Variants in PRSS36 observed in about 807,000 individuals in gnomAD.
PRSS36 encodes the protein serine protease 36, also known as polyserase-2.
Under a neutral mutation model 94.3 loss-of-function variants are expected in PRSS36, and 90 were observed. The observed-to-expected ratio is 0.95, with a 90% CI of 0.80 to 1.14. The LOEUF (loss-of-function observed/expected upper bound fraction) is 1.14. Ranked by LOEUF, PRSS36 falls within the 50% of genes most tolerant of loss-of-function variation. PRSS36 has a pLI of 0.00. For missense variants in PRSS36, 1,158 were observed against 1,135.0 expected, an observed-to-expected ratio of 1.02 and a Z score of -0.29; for synonymous variants, 500 against 489.6, an observed-to-expected ratio of 1.02 and a Z score of -0.28.
At chr16:31,148,174 G>A (rs1249745569) in intron 5 of PRSS36, among the ~76,000 whole-genome samples, 2 of 152,180 alleles carry the variant, frequency 1.3e-5, no homozygotes, top group Non-Finnish European at 2.9e-5. Flanking sequence ...GGAATGGGGT[G>A]CGTGTGGGTG....
chr16:31,147,018 A>T (rs1045072399), intron 5 of PRSS36, among the ~76,000 whole-genome samples: 2 of 152,014 alleles, frequency 1.3e-5, no homozygotes, highest in Non-Finnish European at 2.9e-5. Context: ...AAAAGAAAAG[A>T]ATTTGAGGTC....
rs1366050696 is a variant in PRSS36, at chr16:31,145,931, A to G, written c.578T>C (p.Leu193Pro). Residue 193 changes from leucine to proline, a missense_variant, in exon 6 of 15, where the codon CTA becomes CCA. Transcript: ENST00000268281. ...CAGCAGCCTTAGCTCCACTTCCTGT[A>G]GCACCCAGGGGAGAGGCAGAGGATC... The part of the protein sequence containing the change: ...EADPLPLPWV[L>P]QEVELRLLGE... 6.2e-6 allele frequency: 10 copies of G among 1,613,426 alleles called. No individual in the cohort carries two copies. Among genetic ancestry groups the G allele is most frequent in the Non-Finnish European group, 8.5e-6 (10 of 1,179,722 alleles).
At position 31,143,832 on chromosome 16, in the gene PRSS36, G is replaced by A. The variant is rs1318421982; in HGVS notation, c.726C>T (p.Asp242=). ...PEGRRDTCQG[D]SGGPLVCEEG... ...CCTCACAGACCAGGGGCCCCCCAGAGTCACCCTAGTGGCAGATGACTGCAT... is the reference window on the plus strand; with the variant it reads ...CCTCACAGACCAGGGGCCCCCCAGAATCACCCTAGTGGCAGATGACTGCAT... Residue 242 remains aspartate, a synonymous_variant, in exon 7 of 15, where the codon GAC becomes GAT. Transcript: ENST00000268281. The A allele has an allele frequency of 1.2e-6, 2 of 1,613,212 alleles. No homozygotes were observed. The highest frequency in any genetic ancestry group is 1.7e-6 in the Non-Finnish European group (2 of 1,180,022).
chr16:31,140,430 C>G lies in PRSS36; in HGVS notation c.2168-15G>C. ...AGCCACAGGGACTGGGGAGAGGAGACAAAGTTGTTCCAGGGCTCTGGCCTC... is the reference window on the plus strand; with the variant it reads ...AGCCACAGGGACTGGGGAGAGGAGAGAAAGTTGTTCCAGGGCTCTGGCCTC... On this transcript the variant is annotated splice_polypyrimidine_tract_variant and intron_variant, in intron 13 of 14. Coordinates refer to ENST00000268281, the MANE Select transcript of PRSS36 (RefSeq NM_173502.5). The G allele has an allele frequency of 6.2e-7, 1 of 1,611,642 alleles. No individual in the cohort carries two copies. Among genetic ancestry groups the G allele is most frequent in the Non-Finnish European group, 8.5e-7 (1 of 1,178,752 alleles).
chr16:31,140,820 C>A, intron 12 of PRSS36, 63 bp from the exon 13 acceptor site: 5 of 1,568,398 alleles, frequency 3.2e-6, no homozygotes, highest in South Asian at 1.2e-5. Context: ...TCCTTCCCAG[C>A]CCAGGGGAAG....
chr16:31,143,243 C>A, intron 8 of PRSS36, 99 bp downstream of exon 8: 3 of 1,499,138 alleles, frequency 2.0e-6, no homozygotes, highest in Admixed American at 2.3e-5. Flanking sequence ...GGGACCCCGC[C>A]CCCCCCACAC....
In PRSS36 at chr16:31,143,686, A is replaced by G. The variant is rs911514356; in HGVS notation, c.872T>C (p.Met291Thr). 4 of 1,613,994 alleles carry G rather than the reference A, an allele frequency of 2.5e-6. No homozygotes were observed. Among genetic ancestry groups the G allele is most frequent in the African/African-American group, 2.7e-5 (2 of 74,902 alleles). ...AAAGGCAGGCCCAGGCTCTGAACCCATCACCTGCTCCCGTATCCATGCCTC... is the reference window on the plus strand; with the variant it reads ...AAAGGCAGGCCCAGGCTCTGAACCCGTCACCTGCTCCCGTATCCATGCCTC... ...TYEAWIREQV[M>T]GSEPGPAFPT... The change falls in exon 7 of 15, where the codon ATG becomes ACG. Residue 291 changes from methionine to threonine, a missense_variant. Met to Thr is a moderately conservative substitution (Grantham distance 81). Coordinates refer to ENST00000268281, the MANE Select transcript of PRSS36 (RefSeq NM_173502.5).
chr16:31,139,165 G>A lies in PRSS36; in HGVS notation c.2541C>T (p.Leu847=). The A allele has an allele frequency of 6.3e-7, 1 of 1,582,352 alleles. No homozygotes were observed. The highest frequency in any genetic ancestry group is 8.6e-7 in the Non-Finnish European group (1 of 1,161,338). The part of the protein sequence containing the change: ...SGSPHAVYFL[L]LLTLLIQS Reference sequence around the variant, plus strand: ...AGCTCTGGATCAGGAGAGTCAGCAGGAGCAGGAAGTAGACTGCATGCGGGG... The same window carrying A: ...AGCTCTGGATCAGGAGAGTCAGCAGAAGCAGGAAGTAGACTGCATGCGGGG... Residue 847 remains leucine (L), a synonymous_variant, in exon 15 of 15, where the codon CTC becomes CTT. Transcript: ENST00000268281.
intron 12 of PRSS36, 87 bp from the exon 13 acceptor site, chr16:31,140,844 G>T: frequency 7.0e-7 from 1 of 1,431,068 alleles, no homozygotes; most frequent in African/African-American, 1.4e-5. Flanking sequence ...GACTCTCTGG[G>T]GTCATGCCAC....
At chr16:31,141,139 G>A (rs750104950) in intron 12 of PRSS36, among the ~76,000 whole-genome samples, 4 of 152,134 alleles carry the variant, frequency 2.6e-5, no homozygotes, top group African/African-American at 4.8e-5. Flanking sequence ...GGCCAGGCTC[G>A]TCTTGAACTC....
Position 31,141,484 on chromosome 16 carries a change from G to C in PRSS36, c.1886C>G (p.Thr629Ser). 6.2e-7 allele frequency: 1 copy of C among 1,612,112 alleles called. No homozygotes were observed. Among genetic ancestry groups the C allele is most frequent in the Non-Finnish European group, 8.5e-7 (1 of 1,179,572 alleles). Residue 629 changes from threonine (T) to serine (S), a missense_variant, in exon 12 of 15, where the codon ACT becomes AGT. By Grantham distance (58) the Thr-to-Ser change is moderately conservative (BLOSUM62 1). Coordinates refer to ENST00000268281, the MANE Select transcript of PRSS36 (RefSeq NM_173502.5). ...LLAPGWVLAA[T>S]HCVLRPGSTT... ...TGAGACCCACCTGAGGACACAGTGA[G>C]TGGCTGCCAGGACCCAGCCTGGGGC...
Position 31,148,540 on chromosome 16 carries a change from C to G in PRSS36, c.408G>C (p.Leu136=). 1 of 1,603,334 alleles carries G rather than the reference C, an allele frequency of 6.2e-7. No individual in the cohort carries two copies. The highest frequency in any genetic ancestry group is 8.5e-7 in the Non-Finnish European group (1 of 1,177,096). The change falls in exon 5 of 15, where the codon CTG becomes CTC. Residue 136 remains leucine, a synonymous_variant. Coordinates refer to ENST00000268281, the MANE Select transcript of PRSS36 (RefSeq NM_173502.5). ...VVPANYSQVE[L]GADLALLRLA... ...GGCGCAGCAGGGCCAGGTCGGCGCC[C>G]AGCTCCACTTGGCTGTAGTTGGCCG...
At chr16:31,139,447 T>A (rs1481070703) in intron 14 of PRSS36, 31 bp from the exon 15 acceptor site, 1 of 1,596,644 alleles carries the variant, frequency 6.3e-7, no homozygotes, top group East Asian at 2.2e-5. Flanking sequence ...CACGTGGGTC[T>A]GCTGCCCTTC....
At position 31,145,931 on chromosome 16, in the gene PRSS36, A is replaced by T. The variant is rs1366050696; in HGVS notation, c.578T>A (p.Leu193Gln). 1 of 1,613,544 alleles carries T rather than the reference A, an allele frequency of 6.2e-7. No homozygotes were observed. ...CAGCAGCCTTAGCTCCACTTCCTGTAGCACCCAGGGGAGAGGCAGAGGATC... is the reference window on the plus strand; with the variant it reads ...CAGCAGCCTTAGCTCCACTTCCTGTTGCACCCAGGGGAGAGGCAGAGGATC... ...EADPLPLPWVLQEVELRLLGE... is the reference protein window; with the variant it reads ...EADPLPLPWVQQEVELRLLGE... Residue 193 changes from leucine (L) to glutamine (Q), a missense_variant, in exon 6 of 15, where the codon CTA becomes CAA. Transcript: ENST00000268281.
In PRSS36 at chr16:31,143,351, C is replaced by G. The variant is rs1178670326; in HGVS notation, c.1091G>C (p.Cys364Ser). The change falls in exon 8 of 15, where the codon TGC becomes TCC. Residue 364 changes from cysteine (C) to serine (S), a missense_variant. By Grantham distance (112) the Cys-to-Ser change is moderately radical (BLOSUM62 -1). Coordinates refer to ENST00000268281, the MANE Select transcript of PRSS36 (RefSeq NM_173502.5). ...GTAGATTTTCACTCACTCCAGAAAG[C>G]AGCTGGCAGGTGCCAAGACCCAGCT... ...SESWVLAPAS[C>S]FLDPNSSDSP... The G allele has an allele frequency of 2.5e-6, 4 of 1,600,174 alleles. No homozygotes were observed. The highest frequency in any genetic ancestry group is 1.3e-5 in the African/African-American group (1 of 74,398).
At position 31,143,430 on chromosome 16, in the gene PRSS36, C is replaced by A. The variant is rs776669161; in HGVS notation, c.1012G>T (p.Ala338Ser). The change falls in exon 8 of 15, where the codon GCC (alanine) becomes TCC (serine). Residue 338 changes from alanine to serine, a missense_variant. By Grantham distance (99) the Ala-to-Ser change is moderately conservative. Transcript: ENST00000268281. ...APRPGAWPWE[A>S]QVMVPGSRPC... is the part of the protein sequence containing the mutation. ...CTGGATCCTGGCACCATCACCTGGG[C>A]CTCCCAGGGCCAGGCCCCTGGCCGC... 6.2e-7 allele frequency: 1 copy of A among 1,612,384 alleles called. No individual in the cohort carries two copies. Among genetic ancestry groups the A allele is most frequent in the South Asian group, 1.1e-5 (1 of 90,958 alleles).
intron 6 of PRSS36, 74 bp from the exon 7 acceptor site, chr16:31,143,911 C>T: frequency 6.4e-7 from 1 of 1,571,268 alleles, no homozygotes; most frequent in Non-Finnish European, 8.6e-7. Context: ...CTCCTTTTGG[C>T]CCAACATACA....
chr16:31,142,492 C>A lies in PRSS36; in HGVS notation c.1510G>T (p.Gly504Cys). The A allele has an allele frequency of 6.7e-7, 1 of 1,481,522 alleles. No individual in the cohort carries two copies. Among genetic ancestry groups the A allele is most frequent in the South Asian group, 1.3e-5 (1 of 79,542 alleles). The allele number at this position is 1,481,522 out of a possible 1,614,324, so 91.8% of individuals were successfully genotyped here. A position where few individuals can be genotyped will look rare whatever the true frequency, so the allele number is the denominator to read the frequency against. ...CPAYQEKEEVGSCWNDSRWSL... is the reference protein window; with the variant it reads ...CPAYQEKEEVCSCWNDSRWSL... ...CCCCCGCCGCTTACCCAGCAGCTGC[C>A]CACCTCCTCCTTTTCCTGGTAGGCA... The change falls in exon 10 of 15, where the codon GGC becomes TGC. Residue 504 changes from glycine (G) to cysteine (C), a missense_variant. By Grantham distance (159) the Gly-to-Cys change is radical (BLOSUM62 -3). Transcript: ENST00000268281.
At position 31,148,694 on chromosome 16, in the gene PRSS36, G is replaced by A. The variant is rs1451648906; in HGVS notation, c.273-19C>T. The A allele has an allele frequency of 1.2e-5, 19 of 1,611,418 alleles. No homozygotes were observed. The highest frequency in any genetic ancestry group is 1.6e-5 in the Non-Finnish European group (19 of 1,179,310). On this transcript the variant is annotated intron_variant, in intron 4 of 14. Transcript: ENST00000268281. ...CCCATTCCTGCGCTCGACCGGGGCA[G>A]TAGGAGGTTAGGTTGACCCTATGGA...
Sources: gnomAD v4.1 joint callset for allele counts (sites outside exome capture counted in the v4.1 genomes callset) on GRCh38, gnomAD v4.1.1 for gene constraint, MANE v1.5 for transcripts, NCBI Gene and HGNC (gene_info 2026-07-23, HGNC 2026-07-21) for gene names.